Variants in EML5 observed in about 807,000 individuals in gnomAD.
The protein encoded by EML5 is EMAP like 5.
In EML5, 120 loss-of-function variants were observed where a neutral mutation model predicts 250.0. The ratio of observed to expected loss-of-function variants is 0.48; its 90% CI spans 0.41 to 0.56. EML5 has a LOEUF of 0.56. EML5 is among the 20% of genes least tolerant of loss of function. The probability of loss-of-function intolerance (pLI) is 0.00; values close to 1 mark genes in which losing one functional copy is unlikely to be tolerated. For synonymous variants in EML5, 771 were observed against 806.5 expected (o/e 0.96, Z 0.75); for missense variants, 2,006 against 2,437.6 (o/e 0.82, Z 3.73).
rs1247407742 is a variant in EML5 at position 88,736,045 on chromosome 14, G to T, written c.1049+319C>A. 3.4e-5 allele frequency among the ~76,000 whole-genome samples: 5 copies of T among 148,794 alleles called. No homozygotes were observed. In the East Asian group the frequency reaches 9.8e-4, roughly 29 times the overall value. ...GAGATGGAGTCTCACTCTGTTGCCA[G>T]GCTGGAATGCAGTGCCATGATCTTG... On this transcript the variant is annotated intron_variant, in intron 7 of 43. Coordinates refer to ENST00000554922, the MANE Select transcript of EML5 (RefSeq NM_183387.3).
intron 33 of EML5, among the ~76,000 whole-genome samples, chr14:88,631,426 C>T (rs1221288358): frequency 6.6e-6 from 1 of 152,178 alleles, no homozygotes; most frequent in Non-Finnish European, 1.5e-5. Flanking sequence ...GTTGCCCACA[C>T]TGGTCTTGAA....
intron 43 of EML5, 94 bp from the exon 44 acceptor site, chr14:88,615,948 T>C: frequency 7.0e-7 from 1 of 1,420,456 alleles, no homozygotes; most frequent in Non-Finnish European, 9.6e-7. Flanking sequence ...AGGTTACATG[T>C]GTAATATTTT....
chr14:88,646,846 G>T, intron 29 of EML5, 101 bp downstream of exon 29: 1 of 1,218,114 alleles, frequency 8.2e-7, no homozygotes, highest in South Asian at 1.5e-5. Flanking sequence ...ACTGTGAAGA[G>T]AGGTAAAGAA....
chr14:88,652,962 TCTC>T (rs972381868), intron 27 of EML5, among the ~76,000 whole-genome samples: 3 of 152,212 alleles, frequency 2.0e-5, no homozygotes, highest in African/African-American at 7.2e-5. Flanking sequence ...GTTTGTGTCC[TCTC>T]CTATTTCCTT....
intron 6 of EML5, 139 bp from the exon 7 acceptor site, chr14:88,736,704 C>T (rs2093846079): frequency 1.3e-6 from 1 of 763,412 alleles, no homozygotes. Context: ...AGCCTGAAAG[C>T]CAAGCTACAA....
intron 29 of EML5, among the ~76,000 whole-genome samples, chr14:88,646,492 C>T (rs1595357483): frequency 6.6e-6 from 1 of 151,994 alleles, no homozygotes; most frequent in South Asian, 2.1e-4. Context: ...AGAAGCCTTG[C>T]TTTTTTCCCC....
intron 2 of EML5, among the ~76,000 whole-genome samples, chr14:88,749,618 G>A (rs953661660): frequency 6.6e-5 from 10 of 152,006 alleles, no homozygotes; most frequent in Admixed American, 5.2e-4. Flanking sequence ...AATAAATGAC[G>A]ATAGCACCAT....
chr14:88,733,564 T>C (rs2093793476), intron 7 of EML5, among the ~76,000 whole-genome samples: 1 of 152,228 alleles, frequency 6.6e-6, no homozygotes, highest in South Asian at 2.1e-4. Flanking sequence ...CACTTGGTAA[T>C]AGCAGTTCTA....
intron 6 of EML5, among the ~76,000 whole-genome samples, chr14:88,736,977 T>C (rs978898849): frequency 6.6e-6 from 1 of 151,570 alleles, no homozygotes; most frequent in Non-Finnish European, 1.5e-5. Flanking sequence ...GGGTGGGGGG[T>C]TGGGGGCAGG....
chr14:88,706,239 A>G lies in EML5; in HGVS notation c.1825+20T>C. 1 of 1,554,360 alleles carries G rather than the reference A, an allele frequency of 6.4e-7. No individual in the cohort carries two copies. The highest frequency in any genetic ancestry group is 8.6e-7 in the Non-Finnish European group (1 of 1,157,142). On this transcript the variant is annotated intron_variant, in intron 11 of 43. Coordinates refer to ENST00000554922, the MANE Select transcript of EML5 (RefSeq NM_183387.3). ...GAATTATTTGACAGGGAAACTGTTT[A>G]GCTAATGCATACTACTCACCTTGGG...
rs139369955 is a variant in EML5 at position 88,710,910 on chromosome 14, A to C, written c.1657+1361T>G. On this transcript the variant is annotated intron_variant, in intron 10 of 43. Coordinates refer to ENST00000554922, the MANE Select transcript of EML5 (RefSeq NM_183387.3). ...ATAAATGAAATAAAATTATTGTGCA[A>C]TAATATCGACTTCTCTCTTGCAAAT... Among the ~76,000 whole-genome samples, 117 of 152,356 alleles carry C rather than the reference A, an allele frequency of 7.7e-4. 3 individuals are homozygous for C. In the East Asian group the frequency reaches 0.022, roughly 28 times the overall value.
At chr14:88,771,032 A>C (rs1012567033) in intron 1 of EML5, among the ~76,000 whole-genome samples, 1 of 152,218 alleles carries the variant, frequency 6.6e-6, no homozygotes, top group East Asian at 1.9e-4. Context: ...CATAACTATA[A>C]GGAAATAACA....
chr14:88,642,785 C>G, intron 31 of EML5, 108 bp downstream of exon 31: 2 of 1,046,316 alleles, frequency 1.9e-6, no homozygotes, highest in Non-Finnish European at 1.4e-6. Flanking sequence ...GAGTGTTTCT[C>G]CTACATTTCA....
intron 2 of EML5, among the ~76,000 whole-genome samples, chr14:88,750,843 G>A (rs1424922752): frequency 6.6e-6 from 1 of 152,142 alleles, no homozygotes; most frequent in African/African-American, 2.4e-5. Flanking sequence ...AATCTAGCTA[G>A]AACAAATGTA....
intron 7 of EML5, among the ~76,000 whole-genome samples, chr14:88,728,042 T>C (rs956349034): frequency 7.9e-5 from 12 of 152,312 alleles, no homozygotes; most frequent in African/African-American, 1.7e-4. Context: ...TTGTGAAATA[T>C]AGCTGAAACA....
chr14:88,780,287 A>T (rs1048041943), intron 1 of EML5, among the ~76,000 whole-genome samples: 1 of 152,104 alleles, frequency 6.6e-6, no homozygotes, highest in Non-Finnish European at 1.5e-5. Flanking sequence ...AGAGGTATTG[A>T]CTGTCTTTGT....
At position 88,695,469 on chromosome 14, in the gene EML5, TGAGA is replaced by T; in HGVS notation, c.2345-19_2345-16del. The stretch of plus-strand genomic sequence containing the variant: ...TTTCCCATCCGCTGTGGAAAATTAA[TGAGA>T]GAGATAAACTGACTATTAACATTCA... On this transcript the variant is annotated splice_polypyrimidine_tract_variant and intron_variant, in intron 15 of 43. Coordinates refer to ENST00000554922, the MANE Select transcript of EML5 (RefSeq NM_183387.3). 1 of 1,604,432 alleles carries T rather than the reference TGAGA, an allele frequency of 6.2e-7. No individual in the cohort carries two copies. Among genetic ancestry groups the T allele is most frequent in the Non-Finnish European group, 8.5e-7 (1 of 1,174,050 alleles).
Position 88,634,502 on chromosome 14 carries a change from ATAAT to A in EML5, c.4337-17_4337-14del, listed in dbSNP as rs765961205. The A allele has an allele frequency of 2.1e-6, 3 of 1,406,504 alleles. No individual in the cohort carries two copies. In the South Asian group the frequency reaches 4.5e-5, roughly 21 times the overall value. 87.1% of individuals were successfully genotyped at this position (1,406,504 alleles called of 1,614,324 possible). On this transcript the variant is annotated splice_polypyrimidine_tract_variant and intron_variant, in intron 32 of 43. Transcript: ENST00000554922. ...TCTGCTGAATCACCTATAATGGAAA[ATAAT>A]TATCTATAAATAACATAAATCTGTA...
chr14:88,757,844 C>T (rs2094183473), intron 1 of EML5, among the ~76,000 whole-genome samples: 1 of 150,702 alleles, frequency 6.6e-6, no homozygotes, highest in African/African-American at 2.4e-5. Flanking sequence ...CTCTCTTTCT[C>T]TCCTTTCTTT....
Sources: gnomAD v4.1 joint callset for allele counts (sites outside exome capture counted in the v4.1 genomes callset) on GRCh38, gnomAD v4.1.1 for gene constraint, MANE v1.5 for transcripts, NCBI Gene and HGNC (gene_info 2026-07-23, HGNC 2026-07-21) for gene names.